Variants in NAV2 observed in about 807,000 individuals in gnomAD.
The protein encoded by NAV2 is helicase, APC down-regulated 1.
In NAV2, 54 loss-of-function variants were observed where a neutral mutation model predicts 223.2. The ratio of observed to expected loss-of-function variants is 0.24; its 90% CI spans 0.19 to 0.30. The LOEUF (loss-of-function observed/expected upper bound fraction) is 0.30. Among genes scored for constraint, NAV2 ranks in the 10% least tolerant of loss-of-function variants. NAV2 has a pLI of 1.00. For missense variants in NAV2, 2,806 were observed against 3,147.5 expected, an observed-to-expected ratio of 0.89 and a Z score of 2.60; for synonymous variants, 1,279 against 1,239.3, an observed-to-expected ratio of 1.03 and a Z score of -0.67.
rs1199420850 is a variant in NAV2 at position 19,810,330 on chromosome 11, C to T, written c.268-22154C>T. On this transcript the variant is annotated intron_variant, in intron 1 of 37. Transcript: ENST00000349880. ...TTTTGGCACTATACTGTGCTCCAGG[C>T]TTATTTTAAATTCTTCCTGCCCCAG... 2.1e-5 allele frequency among the ~76,000 whole-genome samples: 3 copies of T among 144,654 alleles called. No homozygotes were observed. The Admixed American group carries it at 2.2e-4, about 11-fold the overall frequency. The allele number at this position is 144,654 out of a possible 152,430, so 94.9% of individuals were successfully genotyped here.
chr11:19,485,711 G>A (rs1414054681), intron 1 of NAV2, among the ~76,000 whole-genome samples: 1 of 147,904 alleles, frequency 6.8e-6, no homozygotes, highest in Admixed American at 6.8e-5. Context: ...GTTTTTATAT[G>A]GGAGGATCTA....
intron 11 of NAV2, among the ~76,000 whole-genome samples, chr11:20,004,565 A>G (rs147037168): frequency 6.6e-6 from 1 of 152,260 alleles, no homozygotes; most frequent in Non-Finnish European, 1.5e-5. Flanking sequence ...TGGTATTCTG[A>G]TCAGGTTACA....
At chr11:19,487,595 C>T (rs1478271064) in intron 1 of NAV2, among the ~76,000 whole-genome samples, 2 of 152,154 alleles carry the variant, frequency 1.3e-5, no homozygotes, top group Non-Finnish European at 1.5e-5. Flanking sequence ...AAGTCAGAAG[C>T]CATGTTACAT....
At chr11:19,394,986 G>A (rs147223759) in intron 1 of NAV2, among the ~76,000 whole-genome samples, 12 of 152,342 alleles carry the variant, frequency 7.9e-5, no homozygotes, top group African/African-American at 2.2e-4. Flanking sequence ...GCTAAGCCTC[G>A]CTTGTCAGAG....
chr11:19,857,908 G>A (rs2061486786), intron 3 of NAV2, among the ~76,000 whole-genome samples: 1 of 152,132 alleles, frequency 6.6e-6, no homozygotes, highest in African/African-American at 2.4e-5. Context: ...CCAGGCTAGA[G>A]TGCAGTGGCA....
chr11:19,855,205 G>A (rs1425240213), intron 3 of NAV2, among the ~76,000 whole-genome samples: 1 of 152,116 alleles, frequency 6.6e-6, no homozygotes, highest in Admixed American at 6.5e-5. Context: ...CAGTGCTTCA[G>A]GTTTCATAAG....
intron 30 of NAV2, among the ~76,000 whole-genome samples, chr11:20,096,745 T>C (rs1177299009): frequency 6.6e-6 from 1 of 152,256 alleles, no homozygotes; most frequent in Non-Finnish European, 1.5e-5. Context: ...GAGAAAATTC[T>C]GTTTTTTGAC....
chr11:19,423,574 A>T (rs1220910622), intron 1 of NAV2, among the ~76,000 whole-genome samples: 1 of 152,240 alleles, frequency 6.6e-6, no homozygotes, highest in East Asian at 1.9e-4. Context: ...TCTACTCTGT[A>T]CCATGTACAA....
intron 1 of NAV2, among the ~76,000 whole-genome samples, chr11:19,386,856 G>C (rs1849062819): frequency 6.6e-6 from 1 of 152,066 alleles, no homozygotes; most frequent in Non-Finnish European, 1.5e-5. Context: ...AGCATGGGAG[G>C]GGCTCAGGGT....
intron 1 of NAV2, among the ~76,000 whole-genome samples, chr11:19,453,305 C>G (rs1017811424): frequency 6.6e-6 from 1 of 152,138 alleles, no homozygotes. Context: ...AAGCAAAATA[C>G]TGGGCAAGAT....
intron 4 of NAV2, among the ~76,000 whole-genome samples, chr11:19,871,257 T>C (rs2153055883): frequency 6.6e-6 from 1 of 152,320 alleles, no homozygotes; most frequent in East Asian, 1.9e-4. Context: ...TTGATGCCCA[T>C]ATTTATGACT....
rs777324563 is a variant in NAV2 at position 19,713,911 on chromosome 11, G to C, written c.216G>C (p.Glu72Asp). The change falls in exon 1 of 38, where the codon GAG becomes GAC. Residue 72 changes from glutamate (E) to aspartate (D), a missense_variant. Transcript: ENST00000349880. This position sits in a 1 kb window ranked among gnomAD's most constrained non-coding sequence, Gnocchi z 7.2. The part of the protein sequence containing the change: ...VLQGLQEPAG[E>D]GLPLRKSGSV... ...AGGGGCTGCAGGAGCCAGCGGGGGA[G>C]GGGCTCCCGCTGCGGAAGAGCGGCT... 1 of 1,613,598 alleles carries C rather than the reference G, an allele frequency of 6.2e-7. No individual in the cohort carries two copies. The highest frequency in any genetic ancestry group is 8.5e-7 in the Non-Finnish European group (1 of 1,179,980).
Position 19,574,603 on chromosome 11 carries a change from ACTTC to A in NAV2, c.75+223586_75+223589del, listed in dbSNP as rs925456653. On this transcript the variant is annotated intron_variant, in intron 1 of 37. Coordinates refer to the NAV2 transcript ENST00000360655. ...AGAAACCCCCTCTTTTTCCTTCTTTACTTCCTTCCTTCCATCCCGTTTATTTTTG... is the reference window on the plus strand; with the variant it reads ...AGAAACCCCCTCTTTTTCCTTCTTTACTTCCTTCCATCCCGTTTATTTTTG... Among the ~76,000 whole-genome samples, 7 of 151,972 alleles carry A rather than the reference ACTTC, an allele frequency of 4.6e-5. No homozygotes were observed. In the East Asian group the frequency reaches 5.8e-4, roughly 13 times the overall value.
intron 26 of NAV2, among the ~76,000 whole-genome samples, chr11:20,089,890 G>T (rs919410235): frequency 6.6e-6 from 1 of 152,164 alleles, no homozygotes. Flanking sequence ...AGGGTCCCAT[G>T]GTGACCTTGA....
intron 1 of NAV2, among the ~76,000 whole-genome samples, chr11:19,438,643 C>A (rs1851293616): frequency 6.6e-6 from 1 of 152,186 alleles, no homozygotes; most frequent in Non-Finnish European, 1.5e-5. Flanking sequence ...ACACCTCCTT[C>A]CTTGGGTTTG....
chr11:20,075,504 G>A (rs2059680105), intron 22 of NAV2, among the ~76,000 whole-genome samples: 4 of 152,124 alleles, frequency 2.6e-5, no homozygotes, highest in Admixed American at 2.0e-4. Flanking sequence ...GCCTCCCAAA[G>A]TGCTGGGATT....
At chr11:19,815,614 C>T (rs145341773) in intron 1 of NAV2, among the ~76,000 whole-genome samples, 2 of 152,328 alleles carry the variant, frequency 1.3e-5, no homozygotes, top group African/African-American at 2.4e-5. Context: ...AGAACTTCTT[C>T]TTCATCGTGG....
chr11:19,399,059 C>CAA (rs1422515706), intron 1 of NAV2, among the ~76,000 whole-genome samples: 1 of 152,130 alleles, frequency 6.6e-6, no homozygotes, highest in Non-Finnish European at 1.5e-5. Flanking sequence ...CTTATTACTG[C>CAA]AAAAAGAGAT....
intron 2 of NAV2, among the ~76,000 whole-genome samples, chr11:19,835,129 C>T (rs1051481800): frequency 2.6e-5 from 4 of 152,152 alleles, no homozygotes; most frequent in African/African-American, 7.2e-5. Flanking sequence ...TATCATTGCT[C>T]AGGATGATGC....
Sources: gnomAD v4.1 joint callset for allele counts (sites outside exome capture counted in the v4.1 genomes callset) on GRCh38, gnomAD v4.1.1 for gene constraint, Gnocchi (gnomAD v3.1) non-coding constraint, MANE v1.5 for transcripts, NCBI Gene and HGNC (gene_info 2026-07-23, HGNC 2026-07-21) for gene names.